VDR: variants seen among roughly 807,000 people sequenced by gnomAD.
VDR encodes the protein vitamin D receptor, also known as vitamin D3 receptor.
Under a neutral mutation model 39.7 loss-of-function variants are expected in VDR, and 19 were observed. The observed-to-expected ratio is 0.48, with a 90% CI of 0.33 to 0.70. The LOEUF is 0.70. VDR is among the 30% of genes least tolerant of loss of function. The pLI is 0.02. For missense variants in VDR, 442 were observed against 570.5 expected, an observed-to-expected ratio of 0.77 and a Z score of 2.29; for synonymous variants, 242 against 215.8, an observed-to-expected ratio of 1.12 and a Z score of -1.07.
At chr12:47,884,981 G>A (rs1565631212) in intron 1 of VDR, among the ~76,000 whole-genome samples, 1 of 152,144 alleles carries the variant, frequency 6.6e-6, no homozygotes, top group Non-Finnish European at 1.5e-5. Context: ...CCAAGTGCAA[G>A]CCTATAGGAA....
At chr12:47,863,434 C>T (rs1945665094) in intron 4 of VDR, among the ~76,000 whole-genome samples, 2 of 152,204 alleles carry the variant, frequency 1.3e-5, no homozygotes, top group African/African-American at 4.8e-5. Flanking sequence ...AACCTCGTGC[C>T]AGTCTTGGTT....
At chr12:47,858,302 A>G (rs1945539023) in intron 4 of VDR, among the ~76,000 whole-genome samples, 1 of 152,202 alleles carries the variant, frequency 6.6e-6, no homozygotes, top group Non-Finnish European at 1.5e-5. Context: ...AGATGTGGAG[A>G]GGACTCCTCT....
Position 47,846,344 on chromosome 12 carries a change from C to T in VDR, c.1015G>A (p.Val339Ile), listed in dbSNP as rs141329158. The T allele has an allele frequency of 2.1e-4, 334 of 1,607,346 alleles. 1 individual carries two copies. In the African/African-American group the frequency reaches 3.6e-3, roughly 17 times the overall value. Residue 339 changes from valine to isoleucine, a missense_variant, in exon 9 of 10, where the codon GTC (valine) becomes ATC (isoleucine). Coordinates refer to ENST00000549336, the MANE Select transcript of VDR (RefSeq NM_000376.3). ...CTGCCTGGCCCCATACCTGGGGAGA[C>T]GATGCAGATGGCCATGAGCAGGACA... The part of the protein sequence containing the change: ...EHVLLMAICI[V>I]SPDRPGVQDA...
At chr12:47,862,374 C>T (rs1389559398) in intron 4 of VDR, among the ~76,000 whole-genome samples, 2 of 152,184 alleles carry the variant, frequency 1.3e-5, no homozygotes. Context: ...CACAAGCCTG[C>T]CCTTTGGAAG....
chr12:47,858,863 C>T (rs1003930086), intron 4 of VDR, among the ~76,000 whole-genome samples: 2 of 152,110 alleles, frequency 1.3e-5, no homozygotes, highest in African/African-American at 2.4e-5. Flanking sequence ...AGGGGGAGGA[C>T]GAGAGAAGTT....
At chr12:47,861,915 T>C (rs1945633272) in intron 4 of VDR, among the ~76,000 whole-genome samples, 1 of 152,194 alleles carries the variant, frequency 6.6e-6, no homozygotes. Context: ...ACATAAAATG[T>C]TTCCAAATGA....
intron 1 of VDR, among the ~76,000 whole-genome samples, chr12:47,887,308 GTA>G (rs1395702240): frequency 1.5e-5 from 1 of 68,870 alleles, no homozygotes; most frequent in Non-Finnish European, 2.4e-5. Flanking sequence ...GGCGACAAGA[GTA>G]AAACTCCGTC....
intron 1 of VDR, chr12:47,898,331 C>G (rs1329177162): frequency 6.6e-6 from 1 of 152,170 alleles, no homozygotes; most frequent in Non-Finnish European, 1.5e-5. Context: ...TCTAATGCAA[C>G]TTTTTCATTT....
At chr12:47,853,151 T>C (rs994255174) in intron 7 of VDR, among the ~76,000 whole-genome samples, 2 of 152,208 alleles carry the variant, frequency 1.3e-5, no homozygotes, top group African/African-American at 4.8e-5. Context: ...TACTCTATTG[T>C]TTTAAGAATA....
chr12:47,871,294 C>CT (rs1565622645), intron 3 of VDR, among the ~76,000 whole-genome samples: 1 of 90,538 alleles, frequency 1.1e-5, no homozygotes, highest in Non-Finnish European at 2.3e-5. Flanking sequence ...TTCTCTTTCT[C>CT]TTTCTTTCTT....
At chr12:47,863,619 T>C (rs148339512) in intron 4 of VDR, among the ~76,000 whole-genome samples, 3 of 152,266 alleles carry the variant, frequency 2.0e-5, no homozygotes, top group African/African-American at 7.2e-5. Flanking sequence ...CCTCCACTTC[T>C]TATTCTCTCC....
intron 1 of VDR, chr12:47,904,499 A>C (rs1592163643): frequency 8.7e-7 from 1 of 1,143,342 alleles, no homozygotes; most frequent in Non-Finnish European, 1.2e-6. Flanking sequence ...TACTTAAAAG[A>C]CCCAACTCCA....
At chr12:47,866,765 G>A (rs376646241) in intron 3 of VDR, among the ~76,000 whole-genome samples, 8 of 152,064 alleles carry the variant, frequency 5.3e-5, no homozygotes, top group Non-Finnish European at 2.9e-5. Flanking sequence ...TGAGGTGGGC[G>A]GATCATCTGA....
chr12:47,893,247 G>A (rs577802942), intron 1 of VDR, among the ~76,000 whole-genome samples: 18 of 152,270 alleles, frequency 1.2e-4, no homozygotes, highest in African/African-American at 1.7e-4. Flanking sequence ...CTTGAGTGTT[G>A]TGACAACAGG....
chr12:47,895,906 C>T (rs541096118), intron 1 of VDR, among the ~76,000 whole-genome samples: 2 of 152,354 alleles, frequency 1.3e-5, no homozygotes, highest in South Asian at 2.1e-4. Flanking sequence ...GTCCATCTCA[C>T]CGGGTCTGCA....
rs1592108805 is a variant in VDR, at chr12:47,858,436, A to G, written c.278-748T>C. 2.0e-5 allele frequency among the ~76,000 whole-genome samples: 3 copies of G among 152,216 alleles called. No homozygotes were observed. In the East Asian group the frequency reaches 5.8e-4, roughly 29 times the overall value. On this transcript the variant is annotated intron_variant, in intron 4 of 9. Transcript: ENST00000549336. ...ATGTACAGCCTTGACATTTCTGTCC[A>G]TGGAAGTTTTCAAGTCCTCTTGAAG... is the stretch of plus-strand genomic sequence containing the variant.
chr12:47,871,346 C>CTTTCTTTCTTTCTTTCTT, intron 3 of VDR, among the ~76,000 whole-genome samples: 1 of 144,490 alleles, frequency 6.9e-6, no homozygotes, highest in East Asian at 2.1e-4. Context: ...TTCTTTCTTT[C>CTTTCTTTCTTTCTTTCTT]TTTCTTTCTT....
Position 47,878,644 on chromosome 12 carries a change from A to G in VDR, c.146+324T>C, listed in dbSNP as rs117587389. 6.6e-5 allele frequency among the ~76,000 whole-genome samples: 10 copies of G among 152,338 alleles called. No homozygotes were observed. The East Asian group carries it at 1.7e-3, about 26-fold the overall frequency. On this transcript the variant is annotated intron_variant, in intron 3 of 9. Transcript: ENST00000549336. ...TTGGGTGAGGAAGCTGTGATCATCA[A>G]CAGGGAGGAGGTTCACTCTGGAAGG...
At position 47,884,407 on chromosome 12, in the gene VDR, C is replaced by A. The variant is rs2238135; in HGVS notation, c.-83-1633G>T. Among the ~76,000 whole-genome samples the A allele has an allele frequency of 3.3e-5, 5 of 152,146 alleles. No homozygotes were observed. In the South Asian group the frequency reaches 1.0e-3, roughly 32 times the overall value. ...ACTCTGAGTGACTTACCCAGGGTCC[C>A]ACAGCTAGGCAAGTGGTGGTTCCTG... On this transcript the variant is annotated intron_variant, in intron 1 of 9. Transcript: ENST00000549336.
Sources: allele counts gnomAD v4.1 joint callset (sites outside exome capture counted in the v4.1 genomes callset), GRCh38; gene constraint gnomAD v4.1.1; transcripts MANE v1.5; gene names NCBI Gene and HGNC (gene_info 2026-07-23, HGNC 2026-07-21).